Variants in EPB41 observed in about 807,000 individuals in gnomAD.
EPB41 encodes the protein erythrocyte membrane protein band 4.1.
Under a neutral mutation model 108.0 loss-of-function variants are expected in EPB41, and 65 were observed. That is an observed-to-expected ratio of 0.60 (90% confidence interval 0.49 to 0.74). The LOEUF (loss-of-function observed/expected upper bound fraction) is 0.74. Among genes scored for constraint, EPB41 ranks in the 30% least tolerant of loss-of-function variants. EPB41 has a pLI of 0.00. For missense variants in EPB41, 875 were observed against 1,037.0 expected, an observed-to-expected ratio of 0.84 and a Z score of 2.15; for synonymous variants, 336 against 358.9, an observed-to-expected ratio of 0.94 and a Z score of 0.72.
In EPB41 at chr1:28,943,651, GA is replaced by G. The variant is rs55671605; in HGVS notation, c.-8+28894del. ...ATGATAGAGTGAGACTCCGTTTCAG[GA>G]AAAAAAAAAACAAAACAAACACACT... is the stretch of plus-strand genomic sequence containing the variant. On this transcript the variant is annotated intron_variant, in intron 1 of 20. Coordinates refer to ENST00000343067, the MANE Select transcript of EPB41 (RefSeq NM_001376013.1). Among the ~76,000 whole-genome samples, 52 of 143,868 alleles carry G rather than the reference GA, an allele frequency of 3.6e-4. 1 individual carries two copies. Among genetic ancestry groups the G allele is most frequent in the Admixed American group, 1.0e-3 (15 of 14,404 alleles). The allele number at this position is 143,868 out of a possible 152,430, so 94.4% of individuals were successfully genotyped here.
At chr1:28,899,336 C>G (rs1415513305) in intron 1 of EPB41, among the ~76,000 whole-genome samples, 1 of 152,208 alleles carries the variant, frequency 6.6e-6, no homozygotes, top group Non-Finnish European at 1.5e-5. Flanking sequence ...CCTTCCTGAT[C>G]TAGGGACTTG....
At chr1:28,963,714 A>G (rs1281352089) in intron 1 of EPB41, among the ~76,000 whole-genome samples, 2 of 152,218 alleles carry the variant, frequency 1.3e-5, no homozygotes, top group African/African-American at 2.4e-5. Context: ...TATCAGTCTC[A>G]TTGAGGTTTA....
At chr1:28,933,458 A>T (rs1007410668) in intron 1 of EPB41, among the ~76,000 whole-genome samples, 39 of 152,302 alleles carry the variant, frequency 2.6e-4, no homozygotes, top group Non-Finnish European at 1.6e-4. Context: ...CAGCACTGTG[A>T]TTGGATTTGG....
At chr1:28,988,875 ATAG>A (rs982009317) in intron 2 of EPB41, among the ~76,000 whole-genome samples, 2 of 152,210 alleles carry the variant, frequency 1.3e-5, no homozygotes, top group Non-Finnish European at 2.9e-5. Context: ...AAATCAAAGA[ATAG>A]TAGAGAAAAA....
intron 18 of EPB41, 86 bp downstream of exon 18, chr1:29,109,523 T>A: frequency 8.9e-7 from 1 of 1,118,370 alleles, no homozygotes; most frequent in Non-Finnish European, 1.4e-6. Flanking sequence ...CCCTAGTCCA[T>A]AAGCAAATAT....
intron 1 of EPB41, among the ~76,000 whole-genome samples, chr1:28,908,043 G>A (rs2091965526): frequency 6.6e-6 from 1 of 152,000 alleles, no homozygotes; most frequent in Admixed American, 6.6e-5. Context: ...CTGTTAAGAA[G>A]TTAAATGCAA....
intron 1 of EPB41, among the ~76,000 whole-genome samples, chr1:28,983,919 C>A (rs951128801): frequency 6.6e-6 from 1 of 151,092 alleles, no homozygotes; most frequent in Non-Finnish European, 1.5e-5. Flanking sequence ...GTGCTCTTGT[C>A]CGGTGTCCAG....
intron 1 of EPB41, among the ~76,000 whole-genome samples, chr1:28,960,347 G>GTCA (rs1459434313): frequency 6.6e-6 from 1 of 151,688 alleles, no homozygotes; most frequent in Non-Finnish European, 1.5e-5. Context: ...TTGGAATTGA[G>GTCA]TCATCCTTTT....
intron 1 of EPB41, among the ~76,000 whole-genome samples, chr1:28,909,139 TGGA>T (rs889379011): frequency 7.4e-6 from 1 of 134,604 alleles, no homozygotes; most frequent in Non-Finnish European, 1.5e-5. Flanking sequence ...TCCTGGGCTA[TGGA>T]GTAAGACTCC....
chr1:29,099,250 G>A (rs570249698), intron 17 of EPB41, among the ~76,000 whole-genome samples: 6 of 146,002 alleles, frequency 4.1e-5, no homozygotes, highest in East Asian at 2.0e-4. Context: ...GCAGTGAGCC[G>A]AGATTGCTCC....
At chr1:28,935,469 C>CACACACACACACACA (rs1234434094) in intron 1 of EPB41, among the ~76,000 whole-genome samples, 1,192 of 42,250 alleles carry the variant, frequency 0.028, 160 homozygotes, top group Admixed American at 0.046. Flanking sequence ...ACACACACAC[C>CACACACACACACACA]CCCCCCCCCC....
intron 11 of EPB41, among the ~76,000 whole-genome samples, chr1:29,050,192 C>A (rs1444091469): frequency 2.0e-5 from 3 of 152,228 alleles, no homozygotes; most frequent in Non-Finnish European, 4.4e-5. Context: ...TTCCACGCAG[C>A]CTTTCACAGC....
chr1:28,906,656 C>T (rs1036479988), intron 1 of EPB41, among the ~76,000 whole-genome samples: 1 of 152,216 alleles, frequency 6.6e-6, no homozygotes, highest in African/African-American at 2.4e-5. Context: ...TCATTCACAT[C>T]ATTTCCAAAG....
chr1:28,937,839 A>G (rs867791752), intron 1 of EPB41, among the ~76,000 whole-genome samples: 4 of 152,328 alleles, frequency 2.6e-5, no homozygotes, highest in Middle Eastern at 3.4e-3. Flanking sequence ...TCTTACATTC[A>G]TATCTTTGAT....
intron 17 of EPB41, among the ~76,000 whole-genome samples, chr1:29,107,281 A>G (rs1302490942): frequency 6.6e-6 from 1 of 152,200 alleles, no homozygotes; most frequent in Non-Finnish European, 1.5e-5. Flanking sequence ...ACAGCTGGTT[A>G]CTGTCTGAGT....
chr1:28,974,649 G>A (rs1160492732), intron 1 of EPB41, among the ~76,000 whole-genome samples: 2 of 152,144 alleles, frequency 1.3e-5, no homozygotes, highest in East Asian at 3.9e-4. Context: ...ACAGCACTTA[G>A]GATTCTGCTT....
chr1:29,057,373 C>CAAAAAA lies in EPB41; in HGVS notation c.1846-1198_1846-1193dup, dbSNP rs72047998. The stretch of plus-strand genomic sequence containing the variant: ...TGGGCGACAGAGTGAGACTCTGTCT[C>CAAAAAA]AAAAAAAAAAAAAAAAAAAAAAAGA... On this transcript the variant is annotated intron_variant, in intron 12 of 20. Transcript: ENST00000343067. Among the ~76,000 whole-genome samples, 53 of 64,622 alleles carry CAAAAAA rather than the reference C, an allele frequency of 8.2e-4. 1 individual carries two copies. Among genetic ancestry groups the CAAAAAA allele is most frequent in the Admixed American group, 1.3e-3 (6 of 4,626 alleles). 42.4% of individuals were successfully genotyped at this position (64,622 alleles called of 152,430 possible).
chr1:29,073,908 A>G (rs1652694002), intron 16 of EPB41, among the ~76,000 whole-genome samples: 1 of 152,140 alleles, frequency 6.6e-6, no homozygotes, highest in Non-Finnish European at 1.5e-5. Context: ...AAATATTATA[A>G]ATTTTACTCT....
intron 15 of EPB41, among the ~76,000 whole-genome samples, chr1:29,062,952 A>T (rs538805966): frequency 6.6e-6 from 1 of 152,204 alleles, no homozygotes; most frequent in Non-Finnish European, 1.5e-5. Flanking sequence ...TTCCAAGCCA[A>T]TCCGAAGCTA....
Sources: allele counts gnomAD v4.1 joint callset (sites outside exome capture counted in the v4.1 genomes callset), GRCh38; gene constraint gnomAD v4.1.1; transcripts MANE v1.5; gene names NCBI Gene and HGNC (gene_info 2026-07-23, HGNC 2026-07-21).